ATG7: variants seen among roughly 807,000 people sequenced by gnomAD.
ATG7 encodes the protein ubiquitin-like modifier-activating enzyme ATG7.
ATG7 carries 70 observed loss-of-function variants against 82.4 expected under a neutral mutation model. The ratio of observed to expected loss-of-function variants is 0.85; its 90% CI spans 0.70 to 1.04. ATG7 has a LOEUF of 1.04. ATG7 is among the 50% of genes least tolerant of loss of function. ATG7 has a pLI of 0.00. For synonymous variants in ATG7, 287 were observed against 313.0 expected (o/e 0.92, Z 0.88); for missense variants, 792 against 864.3 (o/e 0.92, Z 1.05).
At chr3:11,511,890 A>G (rs950703332) in intron 20 of ATG7, among the ~76,000 whole-genome samples, 13 of 152,072 alleles carry the variant, frequency 8.5e-5, no homozygotes, top group South Asian at 2.1e-4. Context: ...GCTGCTCCGA[A>G]TGCGGGGCCC....
chr3:11,516,038 AAAAAAAAAC>A (rs969149963), intron 20 of ATG7, among the ~76,000 whole-genome samples: 10 of 151,848 alleles, frequency 6.6e-5, no homozygotes, highest in African/African-American at 2.4e-4. Context: ...TTTTAAAAAA[AAAAAAAAAC>A]AAAAAAACAT....
At chr3:11,461,060 C>A (rs1328638894) in intron 20 of ATG7, among the ~76,000 whole-genome samples, 1 of 152,158 alleles carries the variant, frequency 6.6e-6, no homozygotes, top group Non-Finnish European at 1.5e-5. Flanking sequence ...CAATCTACCA[C>A]AATGGGTCAA....
chr3:11,510,136 G>T (rs767359300), intron 20 of ATG7: 2 of 438,516 alleles, frequency 4.6e-6, no homozygotes, highest in Non-Finnish European at 9.2e-6. Context: ...AGGAAGGTAC[G>T]TGCCTGACAC....
intron 20 of ATG7, among the ~76,000 whole-genome samples, chr3:11,495,072 C>T (rs950426863): frequency 2.0e-5 from 3 of 151,324 alleles, no homozygotes; most frequent in Non-Finnish European, 1.5e-5. Flanking sequence ...AGCAAGGCTC[C>T]GTCTCAGAAA....
rs1000744880 is a variant in ATG7 at position 11,540,511 on chromosome 3, C to T, written c.2080-14300C>T. Among the ~76,000 whole-genome samples the T allele has an allele frequency of 5.3e-5, 8 of 151,974 alleles. No homozygotes were observed. In the South Asian group the frequency reaches 6.3e-4, roughly 12 times the overall value. On this transcript the variant is annotated intron_variant, in intron 20 of 20. Transcript: ENST00000693202. ...AATAAATTCACTGGGCATGGTGGTG[C>T]GCACCTGTGGTCCCAGCTACTCAGG...
intron 16 of ATG7, among the ~76,000 whole-genome samples, chr3:11,361,751 G>A (rs940720276): frequency 2.0e-5 from 3 of 152,192 alleles, no homozygotes; most frequent in Admixed American, 2.0e-4. Flanking sequence ...TGCAAAGTGG[G>A]TCAAGTGCGA....
chr3:11,395,144 G>A (rs927394905), intron 19 of ATG7, among the ~76,000 whole-genome samples: 12 of 152,110 alleles, frequency 7.9e-5, no homozygotes, highest in Non-Finnish European at 1.2e-4. Context: ...AGGTGTATAG[G>A]CAATTATATA....
chr3:11,542,416 C>T (rs1400243181), intron 20 of ATG7, among the ~76,000 whole-genome samples: 1 of 152,250 alleles, frequency 6.6e-6, no homozygotes, highest in Non-Finnish European at 1.5e-5. Context: ...TGCCGGAAAC[C>T]TCACTAAGGA....
the ATG7 span, chr3:11,564,655 G>T: frequency 1.2e-6 from 1 of 826,018 alleles, no homozygotes; most frequent in Non-Finnish European, 1.8e-6. Flanking sequence ...CAGAGGCGAA[G>T]GGTGGCATCC....
intron 20 of ATG7, among the ~76,000 whole-genome samples, chr3:11,464,990 G>A (rs543538730): frequency 4.6e-5 from 7 of 152,144 alleles, no homozygotes; most frequent in Admixed American, 3.3e-4. Flanking sequence ...TATCATCATC[G>A]TCATCAACAA....
chr3:11,310,319 A>G (rs1339117823), intron 7 of ATG7, among the ~76,000 whole-genome samples: 2 of 152,200 alleles, frequency 1.3e-5, no homozygotes, highest in Non-Finnish European at 2.9e-5. Context: ...GTTTCACCAC[A>G]GCATCATCAG....
chr3:11,411,452 C>T (rs564014458), intron 19 of ATG7, among the ~76,000 whole-genome samples: 41 of 151,624 alleles, frequency 2.7e-4, no homozygotes, highest in African/African-American at 8.5e-4. Flanking sequence ...GGTGAAACCC[C>T]GTCTCTAAAA....
intron 19 of ATG7, among the ~76,000 whole-genome samples, chr3:11,402,223 G>A (rs1375572580): frequency 6.6e-6 from 1 of 152,172 alleles, no homozygotes; most frequent in Non-Finnish European, 1.5e-5. Context: ...CTTGAGGTCA[G>A]AAGTTCGAAA....
chr3:11,399,129 C>T (rs964139382), intron 19 of ATG7, among the ~76,000 whole-genome samples: 7 of 152,208 alleles, frequency 4.6e-5, no homozygotes, highest in Non-Finnish European at 8.8e-5. Context: ...AGGCGGATCA[C>T]TTAAGGCCAG....
chr3:11,393,292 C>G (rs2078964192), intron 19 of ATG7, among the ~76,000 whole-genome samples: 1 of 151,966 alleles, frequency 6.6e-6, no homozygotes, highest in East Asian at 1.9e-4. Flanking sequence ...TGAGGAAATC[C>G]TCTAGTATAG....
intron 19 of ATG7, among the ~76,000 whole-genome samples, chr3:11,404,888 C>T (rs1249806886): frequency 1.3e-5 from 2 of 152,064 alleles, no homozygotes; most frequent in South Asian, 2.1e-4. Flanking sequence ...TCAGTTACCT[C>T]CTATTGGGTC....
intron 4 of ATG7, 91 bp downstream of exon 4, chr3:11,298,946 C>T: frequency 7.1e-7 from 1 of 1,417,870 alleles, no homozygotes; most frequent in Non-Finnish European, 9.7e-7. Context: ...AAGAGACAGC[C>T]TTGTCTTTTA....
chr3:11,529,570 A>C (rs1349232980), intron 20 of ATG7: 2 of 154,614 alleles, frequency 1.3e-5, no homozygotes, highest in African/African-American at 4.8e-5. Flanking sequence ...AGACTTGTTA[A>C]ATACTTGGAA....
chr3:11,342,112 T>A, intron 12 of ATG7, 23 bp from the exon 13 acceptor site: 1 of 1,599,730 alleles, frequency 6.3e-7, no homozygotes, highest in Non-Finnish European at 8.5e-7. Flanking sequence ...AGTGACTGAA[T>A]AAGTAAATCT....
Sources: gnomAD v4.1 joint callset for allele counts (sites outside exome capture counted in the v4.1 genomes callset) on GRCh38, gnomAD v4.1.1 for gene constraint, MANE v1.5 for transcripts, NCBI Gene and HGNC (gene_info 2026-07-23, HGNC 2026-07-21) for gene names.